Variants in GPR20 observed in about 807,000 individuals in gnomAD.
GPR20 encodes CTD-3064M3.3.
For synonymous variants in GPR20, 241 were observed against 241.9 expected, an observed-to-expected ratio of 1.00 and a Z score of 0.04; for missense variants, 494 against 527.4, an observed-to-expected ratio of 0.94 and a Z score of 0.62.
intron 1 of GPR20, among the ~76,000 whole-genome samples, chr8:141,363,325 C>G (rs1468904322): frequency 6.6e-6 from 1 of 152,254 alleles, no homozygotes; most frequent in Non-Finnish European, 1.5e-5. Flanking sequence ...CCTGTGTGGA[C>G]CAGCCCGCTC....
In GPR20 at chr8:141,362,246, T is replaced by C. The variant is rs377547337; in HGVS notation, c.-24-4299A>G. Among the ~76,000 whole-genome samples the C allele has an allele frequency of 1.3e-3, 193 of 152,280 alleles. 2 individuals carry two copies. The highest frequency in any genetic ancestry group is 4.5e-3 in the African/African-American group (187 of 41,546). On this transcript the variant is annotated intron_variant, in intron 1 of 1. Coordinates refer to ENST00000377741, the MANE Select transcript of GPR20 (RefSeq NM_005293.3). ...TTTAGGACTTCCCCCTGGACTTGCCTCCTTAAGGAAGCCTTCTTCCTCCCT... is the reference window on the plus strand; with the variant it reads ...TTTAGGACTTCCCCCTGGACTTGCCCCCTTAAGGAAGCCTTCTTCCTCCCT...
Position 141,357,545 on chromosome 8 carries a change from C to A in GPR20, c.379G>T (p.Val127Phe), listed in dbSNP as rs747337794. 1 of 1,613,768 alleles carries A rather than the reference C, an allele frequency of 6.2e-7. No individual in the cohort carries two copies. Among genetic ancestry groups the A allele is most frequent in the South Asian group, 1.1e-5 (1 of 91,086 alleles). Residue 127 changes from valine (V) to phenylalanine (F), a missense_variant, in exon 2 of 2, where the codon GTC becomes TTC. Coordinates refer to ENST00000377741, the MANE Select transcript of GPR20 (RefSeq NM_005293.3). ...RGCLRCAFPHVLGYFLNMHCS... is the reference protein window; with the variant it reads ...RGCLRCAFPHFLGYFLNMHCS... ...TGCATGTTGAGGAAGTAACCGAGGA[C>A]GTGCGGGAAGGCACAGCGCAGGCAG...
At chr8:141,359,347 G>A (rs1831699468) in intron 1 of GPR20, among the ~76,000 whole-genome samples, 1 of 152,218 alleles carries the variant, frequency 6.6e-6, no homozygotes, top group African/African-American at 2.4e-5. Flanking sequence ...TGCTTTCAGA[G>A]GGCCAGGTCC....
intron 1 of GPR20, among the ~76,000 whole-genome samples, chr8:141,361,754 T>C (rs1368642828): frequency 7.1e-6 from 1 of 140,270 alleles, no homozygotes; most frequent in Non-Finnish European, 1.5e-5. Flanking sequence ...TCTTGGGCCT[T>C]GGCTGAACAG....
intron 1 of GPR20, among the ~76,000 whole-genome samples, chr8:141,362,672 C>G (rs557699447): frequency 6.6e-6 from 1 of 152,164 alleles, no homozygotes; most frequent in Non-Finnish European, 1.5e-5. Flanking sequence ...TCCTCCCAGC[C>G]GAGCAAGGCT....
intron 1 of GPR20, among the ~76,000 whole-genome samples, chr8:141,360,983 T>G (rs115090517): frequency 6.6e-6 from 1 of 152,310 alleles, no homozygotes; most frequent in South Asian, 2.1e-4. Context: ...TCCCCAAGCC[T>G]AGTTTCCCTA....
chr8:141,366,731 T>C (rs866389430), intron 1 of GPR20, among the ~76,000 whole-genome samples: 10 of 152,008 alleles, frequency 6.6e-5, no homozygotes, highest in South Asian at 2.1e-4. Flanking sequence ...AGCTGCGGGG[T>C]GGTGGTGGCT....
chr8:141,359,606 G>A (rs543724971), intron 1 of GPR20, among the ~76,000 whole-genome samples: 4 of 152,338 alleles, frequency 2.6e-5, no homozygotes, highest in African/African-American at 7.2e-5. Context: ...GCCCTGACAC[G>A]CGGGCATTGA....
At chr8:141,358,628 C>T (rs1490309622) in intron 1 of GPR20, among the ~76,000 whole-genome samples, 1 of 152,224 alleles carries the variant, frequency 6.6e-6, no homozygotes, top group Admixed American at 6.5e-5. Flanking sequence ...CTCCCCTCCT[C>T]CTAGGCCAGC....
At chr8:141,361,575 C>T (rs945956328) in intron 1 of GPR20, among the ~76,000 whole-genome samples, 4 of 152,182 alleles carry the variant, frequency 2.6e-5, no homozygotes, top group African/African-American at 2.4e-5. Flanking sequence ...GGCGAGGGGG[C>T]GAGCTCTGCT....
intron 1 of GPR20, among the ~76,000 whole-genome samples, chr8:141,365,675 G>A (rs1157226487): frequency 6.6e-6 from 1 of 152,230 alleles, no homozygotes; most frequent in Non-Finnish European, 1.5e-5. Context: ...CAGCAGGAAG[G>A]GCACAGTGAG....
At chr8:141,359,123 A>T (rs1831696335) in intron 1 of GPR20, among the ~76,000 whole-genome samples, 1 of 151,950 alleles carries the variant, frequency 6.6e-6, no homozygotes, top group African/African-American at 2.4e-5. Context: ...CAGGGTGGGG[A>T]GGCTCGTGGG....
chr8:141,359,265 C>T (rs543442329), intron 1 of GPR20, among the ~76,000 whole-genome samples: 3 of 152,280 alleles, frequency 2.0e-5, no homozygotes, highest in Middle Eastern at 6.8e-3. Flanking sequence ...GTGGCCCCAT[C>T]CCACCCCTGG....
intron 1 of GPR20, among the ~76,000 whole-genome samples, chr8:141,359,381 C>T (rs1831700195): frequency 1.3e-5 from 2 of 152,236 alleles, no homozygotes; most frequent in African/African-American, 2.4e-5. Flanking sequence ...CCACCTTCTT[C>T]CTCAGAGTCA....
rs116134979 is a variant in GPR20 at position 141,361,847 on chromosome 8, G to A, written c.-24-3900C>T. 3.5e-3 allele frequency among the ~76,000 whole-genome samples: 536 copies of A among 152,264 alleles called. 8 individuals are homozygous for A. The highest frequency in any genetic ancestry group is 0.012 in the African/African-American group (519 of 41,560). On this transcript the variant is annotated intron_variant, in intron 1 of 1. Transcript: ENST00000377741. ...TTCTGTTTCTGGCCCACCCTTCCGG[G>A]TGGGCAGACCCCCAGAGCCCCCACC...
intron 1 of GPR20, among the ~76,000 whole-genome samples, chr8:141,360,382 C>T (rs1034238282): frequency 6.6e-6 from 1 of 152,212 alleles, no homozygotes; most frequent in Non-Finnish European, 1.5e-5. Context: ...GCACAATGGG[C>T]GTTGATTCCT....
rs374951904 is a variant in GPR20 at position 141,356,971 on chromosome 8, C to T, written c.953G>A (p.Arg318His). 1.0e-4 allele frequency: 167 copies of T among 1,613,030 alleles called. No individual in the cohort carries two copies. Among genetic ancestry groups the T allele is most frequent in the African/African-American group, 4.1e-4 (31 of 74,958 alleles). ...VRGLFGQHGE[R>H]EPSSGDVVSM... ...GACCACGTCACCGCTGCTGGGCTCA[C>T]GCTCTCCGTGCTGGCCGAAGAGGCC... The change falls in exon 2 of 2, where the codon CGT becomes CAT. Residue 318 changes from arginine (R) to histidine (H), a missense_variant. Arg to His is a conservative substitution (Grantham distance 29). Transcript: ENST00000377741.
intron 1 of GPR20, among the ~76,000 whole-genome samples, chr8:141,361,998 A>G: frequency 6.6e-6 from 1 of 152,080 alleles, no homozygotes; most frequent in East Asian, 1.9e-4. Flanking sequence ...ACATCACAAA[A>G]CAGCCGTCCT....
chr8:141,365,812 TC>T (rs1257730563), intron 1 of GPR20, among the ~76,000 whole-genome samples: 8 of 152,030 alleles, frequency 5.3e-5, no homozygotes, highest in Non-Finnish European at 1.2e-4. Context: ...CTGACGCCCC[TC>T]CTCAGGGAGG....
Sources: gnomAD v4.1 joint callset for allele counts (sites outside exome capture counted in the v4.1 genomes callset) on GRCh38, gnomAD v4.1.1 for gene constraint, MANE v1.5 for transcripts, NCBI Gene and HGNC (gene_info 2026-07-23, HGNC 2026-07-21) for gene names.